The following DNAH11 variants were observed in gnomAD, a reference collection of about 807,000 sequenced individuals.
DNAH11 encodes axonemal beta dynein heavy chain 11.
A neutral mutation model predicts 526.0 loss-of-function variants in DNAH11; 442 were observed. The ratio of observed to expected loss-of-function variants is 0.84; its 90% CI spans 0.78 to 0.91. The LOEUF is 0.91. DNAH11 is among the 40% of genes least tolerant of loss of function. The pLI, the probability that DNAH11 is intolerant of heterozygous loss-of-function variation, is 0.00. For missense variants in DNAH11, 6,989 were observed against 5,448.7 expected (o/e 1.28, Z -8.90); for synonymous variants, 2,461 against 1,935.9 (o/e 1.27, Z -7.12).
intron 2 of DNAH11, among the ~76,000 whole-genome samples, chr7:21,557,075 A>G (rs950849911): frequency 2.4e-4 from 36 of 151,550 alleles, no homozygotes; most frequent in African/African-American, 8.0e-4. Context: ...AAAAAAAAAA[A>G]GTGAGAACAT....
chr7:21,793,470 G>T (rs965128132), intron 61 of DNAH11, among the ~76,000 whole-genome samples: 1 of 152,190 alleles, frequency 6.6e-6, no homozygotes, highest in Non-Finnish European at 1.5e-5. Flanking sequence ...ACAAAAATTA[G>T]CTGGGCGTGG....
chr7:21,824,723 G>A (rs1370133730), intron 65 of DNAH11, among the ~76,000 whole-genome samples: 1 of 152,168 alleles, frequency 6.6e-6, no homozygotes, highest in Non-Finnish European at 1.5e-5. Flanking sequence ...ACACGTGTGT[G>A]TATTCTGAAA....
chr7:21,617,991 A>G (rs1785863412), intron 23 of DNAH11, among the ~76,000 whole-genome samples: 1 of 152,236 alleles, frequency 6.6e-6, no homozygotes, highest in African/African-American at 2.4e-5. Flanking sequence ...TCCCCAGGAC[A>G]GCAGAGCGGA....
chr7:21,769,786 G>T (rs1787344556), intron 55 of DNAH11, among the ~76,000 whole-genome samples: 1 of 152,012 alleles, frequency 6.6e-6, no homozygotes, highest in South Asian at 2.1e-4. Flanking sequence ...ATCCGGCCTG[G>T]ATTTCATTTT....
chr7:21,895,891 G>T (rs916197866), intron 79 of DNAH11, among the ~76,000 whole-genome samples: 1 of 152,048 alleles, frequency 6.6e-6, no homozygotes, highest in Non-Finnish European at 1.5e-5. Flanking sequence ...CACCACATCC[G>T]GTTAATTTTT....
rs533960054 is a variant in DNAH11, at chr7:21,645,417, C to G, written c.4944+6352C>G. Among the ~76,000 whole-genome samples the G allele has an allele frequency of 3.4e-3, 513 of 152,212 alleles. 1 individual carries two copies. Among genetic ancestry groups the G allele is most frequent in the African/African-American group, 0.012 (496 of 41,522 alleles). ...TAAAGAGTATTGAAGAATAAGTGTGCCAGGGGCTACGATAGCAGCAGTTTG... is the reference window on the plus strand; with the variant it reads ...TAAAGAGTATTGAAGAATAAGTGTGGCAGGGGCTACGATAGCAGCAGTTTG... On this transcript the variant is annotated intron_variant, in intron 28 of 81. Coordinates refer to ENST00000409508, the MANE Select transcript of DNAH11 (RefSeq NM_001277115.2).
Position 21,635,844 on chromosome 7 carries a change from A to G in DNAH11, c.4501-27A>G, listed in dbSNP as rs144190095. ...TCACATTCTACTAAATTTAGCTACT[A>G]TTTAAAATTCTTTGCCTTTATTTTA... On this transcript the variant is annotated intron_variant, in intron 25 of 81. Coordinates refer to ENST00000409508, the MANE Select transcript of DNAH11 (RefSeq NM_001277115.2). 3.2e-4 allele frequency: 503 copies of G among 1,566,314 alleles called. No individual in the cohort carries two copies. The African/African-American group carries it at 5.9e-3, about 18-fold the overall frequency.
At chr7:21,617,473 C>T in intron 22 of DNAH11, 146 bp from the exon 23 acceptor site, 2 of 899,142 alleles carry the variant, frequency 2.2e-6, no homozygotes, top group Non-Finnish European at 3.3e-6. Flanking sequence ...TTTCGTTTCT[C>T]TGGTTTTGCT....
chr7:21,823,086 A>G (rs1194757516), intron 65 of DNAH11, among the ~76,000 whole-genome samples: 1 of 146,920 alleles, frequency 6.8e-6, no homozygotes, highest in Non-Finnish European at 1.5e-5. Context: ...TCTTCACTCC[A>G]TTGATTGTTT....
At chr7:21,675,969 A>G (rs974081752) in intron 30 of DNAH11, among the ~76,000 whole-genome samples, 1 of 152,224 alleles carries the variant, frequency 6.6e-6, no homozygotes, top group Non-Finnish European at 1.5e-5. Context: ...AGAGGAAGCC[A>G]GTCATACAAG....
rs536255272 is a variant in DNAH11 at position 21,557,551 on chromosome 7, C to T, written c.496-1251C>T. Among the ~76,000 whole-genome samples the T allele has an allele frequency of 4.6e-5, 7 of 152,234 alleles. No homozygotes were observed. The East Asian group carries it at 1.4e-3, about 29-fold the overall frequency. Reference sequence around the variant, plus strand: ...TCCTATTTTATGGAGACACTAATCCCATTCATGAGGACTCAGCCGTCATGA... The same window carrying T: ...TCCTATTTTATGGAGACACTAATCCTATTCATGAGGACTCAGCCGTCATGA... On this transcript the variant is annotated intron_variant, in intron 2 of 81. Coordinates refer to ENST00000409508, the MANE Select transcript of DNAH11 (RefSeq NM_001277115.2).
Position 21,718,480 on chromosome 7 carries a change from T to C in DNAH11, c.7134+555T>C, listed in dbSNP as rs572345553. Among the ~76,000 whole-genome samples the C allele has an allele frequency of 6.6e-5, 10 of 152,246 alleles. No individual in the cohort carries two copies. The South Asian group carries it at 1.2e-3, about 19-fold the overall frequency. ...CACAGGCCTCCCCCTCCCAAAAATA[T>C]TCATGGAGGAGTGTCAGTCTGGATG... is the stretch of plus-strand genomic sequence containing the variant. On this transcript the variant is annotated intron_variant, in intron 43 of 81. Transcript: ENST00000409508.
chr7:21,663,256 T>G (rs886352774), intron 30 of DNAH11, among the ~76,000 whole-genome samples: 3 of 152,110 alleles, frequency 2.0e-5, no homozygotes, highest in African/African-American at 7.2e-5. Context: ...TCCGTAAGTT[T>G]GCTATTGTGA....
chr7:21,810,339 C>T (rs1337640898), intron 63 of DNAH11, among the ~76,000 whole-genome samples: 2 of 152,184 alleles, frequency 1.3e-5, no homozygotes, highest in East Asian at 3.9e-4. Flanking sequence ...ACAACACTGT[C>T]ATCTCAGTTG....
At chr7:21,671,572 G>A (rs1782643809) in intron 30 of DNAH11, among the ~76,000 whole-genome samples, 1 of 151,676 alleles carries the variant, frequency 6.6e-6, no homozygotes, top group South Asian at 2.1e-4. Context: ...TTTTCTAGGT[G>A]TTTATCAATT....
chr7:21,716,546 C>G (rs1784669963), intron 42 of DNAH11, among the ~76,000 whole-genome samples: 1 of 152,144 alleles, frequency 6.6e-6, no homozygotes, highest in Non-Finnish European at 1.5e-5. Context: ...TCACTTTAGA[C>G]TTTCCTTTCC....
chr7:21,867,220 T>G (rs1783315285), intron 71 of DNAH11, among the ~76,000 whole-genome samples: 3 of 152,226 alleles, frequency 2.0e-5, no homozygotes. Context: ...CTCATTCTAA[T>G]TTGAATTCAC....
rs1562615516 is a variant in DNAH11 at position 21,901,474 on chromosome 7, T to C, written c.*220T>C. 3.9e-6 allele frequency: 2 copies of C among 511,394 alleles called. No homozygotes were observed. The highest frequency in any genetic ancestry group is 5.8e-6 in the Non-Finnish European group (2 of 343,070). 31.7% of individuals were successfully genotyped at this position (511,394 alleles called of 1,614,324 possible). ...ACTGTAATCCCAGTTACTCAGGAGG[T>C]AGGAGAATCACTTGAACCTAGGAGG... is the stretch of plus-strand genomic sequence containing the variant. On this transcript the variant is annotated 3_prime_UTR_variant, in exon 82 of 82. Coordinates refer to ENST00000409508, the MANE Select transcript of DNAH11 (RefSeq NM_001277115.2).
intron 40 of DNAH11, among the ~76,000 whole-genome samples, chr7:21,709,520 A>G (rs576498657): frequency 2.9e-4 from 44 of 152,300 alleles, no homozygotes; most frequent in South Asian, 1.2e-3. Context: ...CCAAACCTCA[A>G]TGTCACACAG....
Sources: allele counts gnomAD v4.1 joint callset (sites outside exome capture counted in the v4.1 genomes callset), GRCh38; gene constraint gnomAD v4.1.1; transcripts MANE v1.5; gene names NCBI Gene and HGNC (gene_info 2026-07-23, HGNC 2026-07-21).